Variants in OTOGL observed in about 807,000 individuals in gnomAD.
OTOGL encodes the protein otogelin like, also known as otogelin-like protein.
Under a neutral mutation model 318.5 loss-of-function variants are expected in OTOGL, and 285 were observed. The ratio of observed to expected loss-of-function variants is 0.89; its 90% CI spans 0.81 to 0.99. The LOEUF (loss-of-function observed/expected upper bound fraction) is 0.99, where lower values mean the gene tolerates loss of function less well. Among genes scored for constraint, OTOGL ranks in the 50% least tolerant of loss-of-function variants. OTOGL has a pLI of 0.00. For synonymous variants in OTOGL, 987 were observed against 936.5 expected, an observed-to-expected ratio of 1.05 and a Z score of -0.99; for missense variants, 2,899 against 2,845.6, an observed-to-expected ratio of 1.02 and a Z score of -0.43.
rs148600496 is a variant in OTOGL, at chr12:80,279,981, A to G, written c.2928+815A>G. ...ACATCTGTTTTTTTTTGACTTTTTA[A>G]TAATAGCCATTTTGACTGCTGTGAG... On this transcript the variant is annotated intron_variant, in intron 26 of 58. Transcript: ENST00000547103. Among the ~76,000 whole-genome samples the G allele has an allele frequency of 3.0e-3, 453 of 151,838 alleles. 6 individuals carry two copies. The highest frequency in any genetic ancestry group is 0.01 in the African/African-American group (420 of 41,488).
At chr12:80,110,373 A>G (rs1434723821) in intron 1 of OTOGL, among the ~76,000 whole-genome samples, 1 of 151,974 alleles carries the variant, frequency 6.6e-6, no homozygotes, top group Non-Finnish European at 1.5e-5. Flanking sequence ...AGCCTACATT[A>G]GGTATTTCTC....
At chr12:80,319,691 G>GA (rs1887200965) in intron 33 of OTOGL, among the ~76,000 whole-genome samples, 1 of 151,978 alleles carries the variant, frequency 6.6e-6, no homozygotes, top group African/African-American at 2.4e-5. Context: ...GATTTTACTA[G>GA]AAAAAATCCA....
At chr12:80,216,920 A>C (rs1877781043) in intron 4 of OTOGL, among the ~76,000 whole-genome samples, 1 of 152,224 alleles carries the variant, frequency 6.6e-6, no homozygotes, top group Admixed American at 6.5e-5. Context: ...CACGTTGTGC[A>C]CATGTACCCT....
intron 35 of OTOGL, among the ~76,000 whole-genome samples, chr12:80,326,192 G>A (rs1376813485): frequency 6.6e-6 from 1 of 152,062 alleles, no homozygotes; most frequent in Non-Finnish European, 1.5e-5. Flanking sequence ...GACATAACCA[G>A]CACTCTTGTT....
At chr12:80,222,027 A>G in intron 6 of OTOGL, 64 bp from the exon 7 acceptor site, 1 of 1,476,502 alleles carries the variant, frequency 6.8e-7, no homozygotes. Flanking sequence ...ACCATGACTG[A>G]CTGAACATTG....
At chr12:80,149,407 A>C (rs897281422) in intron 1 of OTOGL, among the ~76,000 whole-genome samples, 10 of 152,152 alleles carry the variant, frequency 6.6e-5, no homozygotes, top group Non-Finnish European at 1.5e-4. Flanking sequence ...GACCCACTTG[A>C]GGAGGCAGTC....
At position 80,137,075 on chromosome 12, in the gene OTOGL, T is replaced by C. The variant is rs117379480; in HGVS notation, c.-20+37470T>C. Among the ~76,000 whole-genome samples the C allele has an allele frequency of 6.0e-3, 908 of 152,278 alleles. 6 individuals are homozygous for C. Among genetic ancestry groups the C allele is most frequent in the Non-Finnish European group, 0.01 (694 of 68,016 alleles). On this transcript the variant is annotated intron_variant, in intron 1 of 58. Transcript: ENST00000547103. ...GGTTTCAGAAACGAGATTTTACTAA[T>C]GTAGAAGGACTATTTTCCTCTCCAA...
intron 55 of OTOGL, among the ~76,000 whole-genome samples, chr12:80,368,723 C>T (rs1035905891): frequency 6.6e-6 from 1 of 151,876 alleles, no homozygotes; most frequent in African/African-American, 2.4e-5. Context: ...TTAAGCCACA[C>T]ATAAAATTAG....
chr12:80,141,208 GA>G (rs1397486941), intron 1 of OTOGL, among the ~76,000 whole-genome samples: 2 of 152,054 alleles, frequency 1.3e-5, no homozygotes, highest in African/African-American at 2.4e-5. Context: ...AAAAAGGCAA[GA>G]TTTTTTTTAT....
At chr12:80,376,802 A>G (rs917402654) in intron 57 of OTOGL, among the ~76,000 whole-genome samples, 2 of 152,142 alleles carry the variant, frequency 1.3e-5, no homozygotes, top group Non-Finnish European at 2.9e-5. Flanking sequence ...AAACACATAT[A>G]TGCCACACAC....
At chr12:80,101,376 A>G (rs1051349100) in intron 1 of OTOGL, among the ~76,000 whole-genome samples, 1 of 152,204 alleles carries the variant, frequency 6.6e-6, no homozygotes, top group Admixed American at 6.5e-5. Context: ...TGTAAGAATT[A>G]AGGTAGTCAC....
At chr12:80,282,956 C>T (rs537077847) in intron 26 of OTOGL, among the ~76,000 whole-genome samples, 2 of 152,050 alleles carry the variant, frequency 1.3e-5, no homozygotes, top group South Asian at 2.1e-4. Context: ...CCAAGTCTTG[C>T]TCATCATTGT....
intron 1 of OTOGL, among the ~76,000 whole-genome samples, chr12:80,157,661 A>C (rs1873217428): frequency 6.6e-6 from 1 of 152,174 alleles, no homozygotes; most frequent in Non-Finnish European, 1.5e-5. Context: ...CAGTTTTCCC[A>C]GCACCATTTA....
intron 44 of OTOGL, among the ~76,000 whole-genome samples, chr12:80,345,734 A>T (rs891970975): frequency 1.3e-5 from 2 of 152,200 alleles, no homozygotes; most frequent in African/African-American, 4.8e-5. Context: ...TTTGAGAATA[A>T]GATAGAGATA....
At chr12:80,104,538 T>A (rs1327525180) in intron 1 of OTOGL, among the ~76,000 whole-genome samples, 1 of 151,988 alleles carries the variant, frequency 6.6e-6, no homozygotes, top group Non-Finnish European at 1.5e-5. Context: ...AATAATTGAG[T>A]GGATACAGTG....
At chr12:80,179,896 C>T (rs758787364) in intron 1 of OTOGL, among the ~76,000 whole-genome samples, 3 of 152,158 alleles carry the variant, frequency 2.0e-5, no homozygotes, top group Admixed American at 6.5e-5. Flanking sequence ...CAAGGGGACC[C>T]ATAGGTAGCC....
rs59551371 is a variant in OTOGL, at chr12:80,256,496, T to TCAAA, written c.1711+60_1711+63dup. ...GTGCTAATGGTGTACTTTCTTTACA[T>TCAAA]CAAACAAACAAACAAACAAACAAAC... On this transcript the variant is annotated intron_variant, in intron 17 of 58. Transcript: ENST00000547103. 0.45 allele frequency: 617,830 copies of TCAAA among 1,374,140 alleles called. 127,782 individuals are homozygous for TCAAA. The highest frequency in any genetic ancestry group is 0.51 in the African/African-American group (34,931 of 68,722). The allele number at this position is 1,374,140 out of a possible 1,614,324, so 85.1% of individuals were successfully genotyped here.
chr12:80,202,235 C>A (rs1006960496), intron 1 of OTOGL, among the ~76,000 whole-genome samples: 2 of 151,796 alleles, frequency 1.3e-5, no homozygotes, highest in African/African-American at 4.8e-5. Context: ...CACTTACAAC[C>A]TTTATCTGTC....
At position 80,120,376 on chromosome 12, in the gene OTOGL, C is replaced by A. The variant is rs74108505; in HGVS notation, c.-20+20771C>A. Among the ~76,000 whole-genome samples, 721 of 152,026 alleles carry A rather than the reference C, an allele frequency of 4.7e-3. 5 individuals carry two copies. The highest frequency in any genetic ancestry group is 0.017 in the African/African-American group (687 of 41,456). On this transcript the variant is annotated intron_variant, in intron 1 of 58. Coordinates refer to ENST00000547103, the MANE Select transcript of OTOGL (RefSeq NM_001378609.3). ...TTTTATTTAATATTCATCACATTCACCTTGTGAATGACAGCATAAAGGATT... is the reference window on the plus strand; with the variant it reads ...TTTTATTTAATATTCATCACATTCAACTTGTGAATGACAGCATAAAGGATT...
Sources: gnomAD v4.1 joint callset for allele counts (sites outside exome capture counted in the v4.1 genomes callset) on GRCh38, gnomAD v4.1.1 for gene constraint, MANE v1.5 for transcripts, NCBI Gene and HGNC (gene_info 2026-07-23, HGNC 2026-07-21) for gene names.